NOL4: variants seen among roughly 807,000 people sequenced by gnomAD.
NOL4 encodes cancer/testis antigen 125.
Under a neutral mutation model 75.9 loss-of-function variants are expected in NOL4, and 17 were observed. The observed-to-expected ratio is 0.22, with a 90% confidence interval of 0.15 to 0.34. NOL4 has a LOEUF of 0.34. Among genes scored for constraint, NOL4 ranks in the 10% least tolerant of loss-of-function variants. The probability of loss-of-function intolerance (pLI) is 1.00; values close to 1 mark genes in which losing one functional copy is unlikely to be tolerated. For synonymous variants in NOL4, 292 were observed against 289.9 expected (o/e 1.01, Z -0.07); for missense variants, 614 against 793.5 (o/e 0.77, Z 2.72).
At chr18:33,894,301 G>A (rs1259480582) in intron 9 of NOL4, among the ~76,000 whole-genome samples, 23 of 152,082 alleles carry the variant, frequency 1.5e-4, no homozygotes, top group Admixed American at 1.5e-3. Flanking sequence ...ATGTTGAGAA[G>A]TGATTTTTGA....
chr18:33,872,107 A>C lies in NOL4; in HGVS notation c.1723+11137T>G, dbSNP rs577719251. 1.1e-4 allele frequency among the ~76,000 whole-genome samples: 17 copies of C among 152,192 alleles called. No homozygotes were observed. In the South Asian group the frequency reaches 3.3e-3, roughly 30 times the overall value. On this transcript the variant is annotated intron_variant, in intron 10 of 10. Transcript: ENST00000261592. Reference sequence around the variant, plus strand: ...TAATTCACAATATCAATTAAATTATAGGTCATTATCATACTATTTGTGGGA... The same window carrying C: ...TAATTCACAATATCAATTAAATTATCGGTCATTATCATACTATTTGTGGGA...
At chr18:34,108,509 C>T (rs4799744) in intron 2 of NOL4, among the ~76,000 whole-genome samples, 129,011 of 152,158 alleles carry the variant, frequency 0.85, 54,819 homozygotes, top group East Asian at 0.96. Flanking sequence ...AAAAATATAT[C>T]CCATGCAAAT....
chr18:33,928,774 A>G (rs1422486396), intron 9 of NOL4, among the ~76,000 whole-genome samples: 1 of 152,142 alleles, frequency 6.6e-6, no homozygotes, highest in Admixed American at 6.6e-5. Context: ...TTAAGATAGG[A>G]AGAATAGAAA....
In NOL4 at chr18:34,222,990, C is replaced by T; in HGVS notation, c.264G>A (p.Thr88=). ...TAACAGAGGAAGGCGAGTCACTCAC[C>T]GTGGTCTTGACAGGCACGTAGAGCA... ...KQVLYVPVKT[T]DGVGVDEKLS... is the part of the protein sequence containing the mutation. The change falls in exon 1 of 11, where the codon ACG becomes ACA. Residue 88 remains threonine, a splice_region_variant and synonymous_variant. Transcript: ENST00000261592. 6.2e-7 allele frequency: 1 copy of T among 1,606,362 alleles called. No homozygotes were observed. Among genetic ancestry groups the T allele is most frequent in the Non-Finnish European group, 8.5e-7 (1 of 1,179,802 alleles).
chr18:33,936,958 T>C (rs542574756), intron 9 of NOL4, among the ~76,000 whole-genome samples: 2 of 152,046 alleles, frequency 1.3e-5, no homozygotes, highest in Admixed American at 1.3e-4. Flanking sequence ...ATCTTTTTGG[T>C]TTAAGGAAAA....
chr18:34,216,093 G>A (rs1417158738), intron 1 of NOL4, among the ~76,000 whole-genome samples: 1 of 152,144 alleles, frequency 6.6e-6, no homozygotes, highest in Non-Finnish European at 1.5e-5. Flanking sequence ...TACAGATTTA[G>A]ACTTCAGAAG....
chr18:34,142,230 G>A (rs1241303983), intron 1 of NOL4, among the ~76,000 whole-genome samples: 1 of 152,182 alleles, frequency 6.6e-6, no homozygotes, highest in African/African-American at 2.4e-5. Context: ...TAAGCTGTTG[G>A]CGGGACTGTA....
intron 1 of NOL4, among the ~76,000 whole-genome samples, chr18:34,165,240 T>TAA: frequency 8.4e-6 from 1 of 118,378 alleles, no homozygotes; most frequent in South Asian, 2.5e-4. Flanking sequence ...TAAAGTATAA[T>TAA]AATAATAAAA....
chr18:34,108,867 T>G lies in NOL4; in HGVS notation c.415-3707A>C, dbSNP rs115720540. ...GAACCTAATGGACATATACAAAACT[T>G]ATCACCCAACAGCAGCAGAATACAC... On this transcript the variant is annotated intron_variant, in intron 2 of 10. Transcript: ENST00000261592. Among the ~76,000 whole-genome samples, 238 of 152,056 alleles carry G rather than the reference T, an allele frequency of 1.6e-3. 1 individual carries two copies. The highest frequency in any genetic ancestry group is 5.5e-3 in the African/African-American group (229 of 41,484).
intron 6 of NOL4, among the ~76,000 whole-genome samples, chr18:33,959,116 A>G (rs911119284): frequency 2.0e-5 from 3 of 152,166 alleles, no homozygotes; most frequent in Non-Finnish European, 2.9e-5. Flanking sequence ...CATTCAAAAG[A>G]CACAACAAAT....
At chr18:34,136,228 A>T (rs888457289) in intron 1 of NOL4, among the ~76,000 whole-genome samples, 1 of 152,146 alleles carries the variant, frequency 6.6e-6, no homozygotes, top group Non-Finnish European at 1.5e-5. Flanking sequence ...TCCCACAACT[A>T]ACATCTTATT....
At chr18:34,202,544 C>T (rs2035811981) in intron 1 of NOL4, among the ~76,000 whole-genome samples, 2 of 151,916 alleles carry the variant, frequency 1.3e-5, no homozygotes, top group African/African-American at 4.8e-5. Flanking sequence ...AAATGGAAAG[C>T]ACTAGTAAGA....
chr18:33,935,788 A>G (rs765422514), intron 9 of NOL4, among the ~76,000 whole-genome samples: 4 of 152,106 alleles, frequency 2.6e-5, no homozygotes, highest in Non-Finnish European at 5.9e-5. Flanking sequence ...CATTTTTCCT[A>G]TATAGTATAT....
chr18:34,061,563 C>A (rs1166076678), intron 5 of NOL4, among the ~76,000 whole-genome samples: 2 of 152,054 alleles, frequency 1.3e-5, no homozygotes, highest in Non-Finnish European at 2.9e-5. Context: ...TCTTTCAAGG[C>A]ACATATACAA....
chr18:33,912,159 CAGTT>C (rs1035363323), intron 9 of NOL4, among the ~76,000 whole-genome samples: 5 of 152,042 alleles, frequency 3.3e-5, no homozygotes, highest in African/African-American at 1.2e-4. Context: ...ACCCTATAGT[CAGTT>C]AGGGGGCAGA....
At chr18:34,174,896 A>G (rs1429483304) in intron 1 of NOL4, among the ~76,000 whole-genome samples, 1 of 152,138 alleles carries the variant, frequency 6.6e-6, no homozygotes, top group Non-Finnish European at 1.5e-5. Flanking sequence ...CATGGTGTCT[A>G]TGTGCCACAT....
chr18:34,092,863 C>T (rs2078592262), intron 5 of NOL4, among the ~76,000 whole-genome samples: 1 of 152,172 alleles, frequency 6.6e-6, no homozygotes, highest in South Asian at 2.1e-4. Flanking sequence ...ACTTTCTCTA[C>T]ATATCTAGCT....
intron 8 of NOL4, among the ~76,000 whole-genome samples, chr18:33,957,123 C>A (rs1434624875): frequency 2.0e-5 from 3 of 151,830 alleles, no homozygotes; most frequent in Non-Finnish European, 2.9e-5. Flanking sequence ...ACAAGATATT[C>A]CTTATTAAAT....
intron 1 of NOL4, among the ~76,000 whole-genome samples, chr18:34,178,201 T>A (rs540654974): frequency 1.3e-5 from 2 of 151,818 alleles, no homozygotes; most frequent in South Asian, 4.1e-4. Flanking sequence ...AAGATATTAA[T>A]GGTAATCCCC....
Sources: allele counts gnomAD v4.1 joint callset (sites outside exome capture counted in the v4.1 genomes callset), GRCh38; gene constraint gnomAD v4.1.1; transcripts MANE v1.5; gene names NCBI Gene and HGNC (gene_info 2026-07-23, HGNC 2026-07-21).